The following NEK10 variants were observed in gnomAD, a reference collection of about 807,000 sequenced individuals.
NEK10 encodes NIMA related kinase 10, also known as serine/threonine-protein kinase Nek10.
In NEK10, 122 loss-of-function variants were observed where a neutral mutation model predicts 159.8. That is an observed-to-expected ratio of 0.76 (90% CI 0.66 to 0.89). NEK10 has a LOEUF of 0.89. Among genes scored for constraint, NEK10 ranks in the 40% least tolerant of loss-of-function variants. The pLI is 0.00. For missense variants in NEK10, 1,342 were observed against 1,323.1 expected (o/e 1.01, Z -0.22); for synonymous variants, 466 against 457.1 (o/e 1.02, Z -0.25).
intron 23 of NEK10, among the ~76,000 whole-genome samples, chr3:27,236,798 G>T (rs1294849914): frequency 6.6e-6 from 1 of 152,108 alleles, no homozygotes; most frequent in Admixed American, 6.6e-5. Flanking sequence ...TACTGATGAG[G>T]TTCTATGTTC....
chr3:27,248,733 C>A (rs12488125), intron 23 of NEK10, among the ~76,000 whole-genome samples: 4,305 of 152,226 alleles, frequency 0.028, 106 homozygotes, highest in Non-Finnish European at 0.042. Flanking sequence ...GATATTATTT[C>A]AACTTTTTTT....
rs778720217 is a variant in NEK10 at position 27,110,794 on chromosome 3, A to G, written c.*478T>C. On this transcript the variant is annotated 3_prime_UTR_variant, in exon 36 of 36. Coordinates refer to ENST00000691995, the MANE Select transcript of NEK10 (RefSeq NM_001394966.1). ...GTAAAAATGGAGGATACAGTGAATCACCCAATATATTATTCTGAGTCCTGT... is the reference window on the plus strand; with the variant it reads ...GTAAAAATGGAGGATACAGTGAATCGCCCAATATATTATTCTGAGTCCTGT... 1.3e-5 allele frequency: 2 copies of G among 152,690 alleles called. No homozygotes were observed. Among genetic ancestry groups the G allele is most frequent in the African/African-American group, 2.4e-5 (1 of 41,428 alleles). 9.5% of individuals were successfully genotyped at this position (152,690 alleles called of 1,614,324 possible). A position where few individuals can be genotyped will look rare whatever the true frequency, so the allele number is the denominator to read the frequency against.
chr3:27,115,706 C>T (rs955254668), intron 35 of NEK10, among the ~76,000 whole-genome samples: 1 of 152,176 alleles, frequency 6.6e-6, no homozygotes, highest in African/African-American at 2.4e-5. Context: ...TAAATTTCTA[C>T]TAAGCAATCA....
intron 30 of NEK10, among the ~76,000 whole-genome samples, chr3:27,153,817 G>C (rs187395326): frequency 3.3e-5 from 5 of 152,226 alleles, no homozygotes; most frequent in African/African-American, 1.2e-4. Context: ...ATTGCTAAGA[G>C]GAATGTTCAT....
Position 27,229,331 on chromosome 3 carries a change from T to C in NEK10, c.2091-26774A>G, listed in dbSNP as rs114402368. On this transcript the variant is annotated intron_variant, in intron 23 of 35. Coordinates refer to ENST00000691995, the MANE Select transcript of NEK10 (RefSeq NM_001394966.1). Reference sequence around the variant, plus strand: ...AACTATAAACATTAAAGTCTGATCCTTAAAAGGAAAAATAGGAACTCATTG... The same window carrying C: ...AACTATAAACATTAAAGTCTGATCCCTAAAAGGAAAAATAGGAACTCATTG... 9.5e-3 allele frequency among the ~76,000 whole-genome samples: 1,439 copies of C among 152,180 alleles called. 13 individuals carry two copies. The highest frequency in any genetic ancestry group is 0.032 in the African/African-American group (1,333 of 41,514).
intron 13 of NEK10, among the ~76,000 whole-genome samples, chr3:27,298,459 G>A (rs1215676644): frequency 6.6e-6 from 1 of 152,114 alleles, no homozygotes; most frequent in East Asian, 1.9e-4. Context: ...CCTTTCTTTT[G>A]GAAATTGCCC....
intron 23 of NEK10, among the ~76,000 whole-genome samples, chr3:27,217,722 T>C (rs1951674660): frequency 2.0e-5 from 3 of 152,170 alleles, no homozygotes; most frequent in Admixed American, 2.0e-4. Context: ...ATATCCCTTA[T>C]AAATATAGAC....
intron 11 of NEK10, among the ~76,000 whole-genome samples, chr3:27,306,504 T>A (rs1018955690): frequency 6.6e-6 from 1 of 152,174 alleles, no homozygotes; most frequent in African/African-American, 2.4e-5. Flanking sequence ...AATGTGTGGA[T>A]ATAAACAAAC....
At chr3:27,272,895 C>T (rs1051739448) in intron 22 of NEK10, among the ~76,000 whole-genome samples, 3 of 151,912 alleles carry the variant, frequency 2.0e-5, no homozygotes, top group African/African-American at 7.3e-5. Context: ...CTGACACTTC[C>T]TTCTCTGAAG....
intron 29 of NEK10, among the ~76,000 whole-genome samples, chr3:27,171,409 T>A (rs923942316): frequency 6.6e-6 from 1 of 152,142 alleles, no homozygotes; most frequent in Non-Finnish European, 1.5e-5. Context: ...CCTTTCTTCT[T>A]CTTGCTGGCT....
chr3:27,249,008 T>C (rs1339408953), intron 23 of NEK10, among the ~76,000 whole-genome samples: 1 of 152,182 alleles, frequency 6.6e-6, no homozygotes, highest in Non-Finnish European at 1.5e-5. Flanking sequence ...CAAAATCTCA[T>C]CTTGAATTGT....
intron 26 of NEK10, among the ~76,000 whole-genome samples, chr3:27,182,108 T>G (rs1289356688): frequency 6.6e-6 from 1 of 152,142 alleles, no homozygotes; most frequent in African/African-American, 2.4e-5. Context: ...GATGGGAGGA[T>G]AAGTTCAAGA....
At position 27,174,752 on chromosome 3, in the gene NEK10, G is replaced by A; in HGVS notation, c.2587C>T (p.Leu863=). The A allele has an allele frequency of 6.2e-7, 1 of 1,613,106 alleles. No homozygotes were observed. The highest frequency in any genetic ancestry group is 8.5e-7 in the Non-Finnish European group (1 of 1,179,680). ...LKSELSESAD[L]PPEGFQASYG... ...GAGGCCTGGAAGCCTTCAGGGGGCA[G>A]GTCTGCGCTTTCTGAAAGTTCACTT... The change falls in exon 27 of 36, where the codon CTG becomes TTG. Residue 863 remains leucine (L), a synonymous_variant. Transcript: ENST00000691995.
intron 30 of NEK10, among the ~76,000 whole-genome samples, chr3:27,145,847 G>A (rs540186301): frequency 6.6e-6 from 1 of 152,052 alleles, no homozygotes; most frequent in African/African-American, 2.4e-5. Context: ...TGGAGGAAGT[G>A]AGCTTGGGAG....
At chr3:27,117,748 C>A (rs1443241605) in intron 33 of NEK10, among the ~76,000 whole-genome samples, 4 of 152,110 alleles carry the variant, frequency 2.6e-5, no homozygotes, top group Non-Finnish European at 5.9e-5. Flanking sequence ...AGATAGATTG[C>A]AAAAATTTTC....
chr3:27,331,262 A>AAAAAAAAAAAAAAAAACACAC lies in NEK10; in HGVS notation c.363-9002_363-9001insGTGTGTTTTTTTTTTTTTTTT. On this transcript the variant is annotated intron_variant, in intron 5 of 35. Transcript: ENST00000691995. The stretch of plus-strand genomic sequence containing the variant: ...CAAAAAAAAAAAAACAAAAAAAAAA[A>AAAAAAAAAAAAAAAAACACAC]ACACACAAACCTAAGACTTTTGAGG... Among the ~76,000 whole-genome samples, 15 of 110,140 alleles carry AAAAAAAAAAAAAAAAACACAC rather than the reference A, an allele frequency of 1.4e-4. 2 individuals carry two copies. Among genetic ancestry groups the AAAAAAAAAAAAAAAAACACAC allele is most frequent in the African/African-American group, 4.4e-4 (15 of 34,456 alleles). The allele number at this position is 110,140 out of a possible 152,430, so 72.3% of individuals were successfully genotyped here.
At chr3:27,195,776 C>T (rs1393925863) in intron 25 of NEK10, among the ~76,000 whole-genome samples, 4 of 152,154 alleles carry the variant, frequency 2.6e-5, no homozygotes, top group South Asian at 2.1e-4. Flanking sequence ...TAAGACAGGT[C>T]CTTCTGTAAT....
At chr3:27,307,559 T>C (rs2044337920) in intron 11 of NEK10, among the ~76,000 whole-genome samples, 1 of 152,142 alleles carries the variant, frequency 6.6e-6, no homozygotes. Context: ...CACCTCAGAG[T>C]TTCTTTCCCT....
rs149737289 is a variant in NEK10, at chr3:27,139,107, T to G, written c.2970+2375A>C. Reference sequence around the variant, plus strand: ...ATAATCGAAATTTAATCGAGCAGCTTACTAAATTACAAGGTCGGATGAAGT... The same window carrying G: ...ATAATCGAAATTTAATCGAGCAGCTGACTAAATTACAAGGTCGGATGAAGT... On this transcript the variant is annotated intron_variant, in intron 31 of 35. Coordinates refer to ENST00000691995, the MANE Select transcript of NEK10 (RefSeq NM_001394966.1). 4.3e-4 allele frequency among the ~76,000 whole-genome samples: 65 copies of G among 152,266 alleles called. No homozygotes were observed. The East Asian group carries it at 0.012, about 29-fold the overall frequency.
Sources: gnomAD v4.1 joint callset for allele counts (sites outside exome capture counted in the v4.1 genomes callset) on GRCh38, gnomAD v4.1.1 for gene constraint, MANE v1.5 for transcripts, NCBI Gene and HGNC (gene_info 2026-07-23, HGNC 2026-07-21) for gene names.